Variants in GLRA2 observed in about 807,000 individuals in gnomAD.
GLRA2 encodes the protein glycine receptor alpha 2, also known as glycine receptor subunit alpha-2.
A neutral mutation model predicts 31.6 loss-of-function variants in GLRA2; 11 were observed. That is an observed-to-expected ratio of 0.35 (90% confidence interval 0.22 to 0.58). The LOEUF (loss-of-function observed/expected upper bound fraction) is 0.58. Among genes scored for constraint, GLRA2 ranks in the 20% least tolerant of loss-of-function variants. The pLI, the probability that GLRA2 is intolerant of heterozygous loss-of-function variation, is 0.84. For synonymous variants in GLRA2, 132 were observed against 134.0 expected (o/e 0.99, Z 0.10); for missense variants, 212 against 351.8 (o/e 0.60, Z 3.18).
At chrX:14,525,239 T>C (rs767094260), upstream of GLRA2, among the ~76,000 whole-genome samples, 3 of 111,683 alleles carry the variant, frequency 2.7e-5, no homozygotes, top group Non-Finnish European at 5.7e-5. Flanking sequence ...TCATTTCTCT[T>C]GTAAAAAGAG....
intron 7 of GLRA2, among the ~76,000 whole-genome samples, chrX:14,688,079 T>C (rs913895886): frequency 1.8e-5 from 2 of 112,156 alleles, no homozygotes; most frequent in East Asian, 2.8e-4. Flanking sequence ...CAGATCCTGT[T>C]TGCCTGGGTA....
At chrX:14,666,527 G>A (rs1490947504) in intron 7 of GLRA2, among the ~76,000 whole-genome samples, 3 of 111,586 alleles carry the variant, frequency 2.7e-5, no homozygotes, top group Non-Finnish European at 3.8e-5. Flanking sequence ...TGACTCCCAC[G>A]TTTAACTTTA....
chrX:14,567,251 G>A (rs1297028463), intron 2 of GLRA2, among the ~76,000 whole-genome samples: 2 of 111,838 alleles, frequency 1.8e-5, no homozygotes, highest in African/African-American at 6.5e-5. Context: ...TACACATCAT[G>A]ACCAATTGAG....
At chrX:14,589,112 T>A (rs2090112882) in intron 4 of GLRA2, among the ~76,000 whole-genome samples, 1 of 111,217 alleles carries the variant, frequency 9.0e-6, no homozygotes, top group Non-Finnish European at 1.9e-5. Context: ...TCCAGTATTA[T>A]GTTTAATAGG....
intron 1 of GLRA2, 87 bp downstream of exon 1, chrX:14,530,212 T>C: frequency 3.6e-6 from 2 of 557,823 alleles, no homozygotes; most frequent in East Asian, 7.0e-5. Flanking sequence ...TGCTCTGGAC[T>C]ATATTATTTT....
the GLRA2 span, among the ~76,000 whole-genome samples, chrX:14,501,951 C>G: frequency 9.0e-6 from 1 of 111,532 alleles, no homozygotes; most frequent in South Asian, 3.8e-4. Flanking sequence ...TATACATCTT[C>G]CATCTGCATG....
chrX:14,616,848 C>A (rs932868944), intron 7 of GLRA2, among the ~76,000 whole-genome samples: 2 of 111,886 alleles, frequency 1.8e-5, no homozygotes, highest in African/African-American at 6.5e-5. Context: ...GAAAGCCAAG[C>A]AAATTGATCT....
At chrX:14,543,348 T>C (rs1432717447) in intron 2 of GLRA2, among the ~76,000 whole-genome samples, 3 of 109,255 alleles carry the variant, frequency 2.7e-5, no homozygotes, top group Non-Finnish European at 5.7e-5. Flanking sequence ...TTTGGGTATA[T>C]CCTTTTGTAA....
chrX:14,589,173 T>G, intron 4 of GLRA2, among the ~76,000 whole-genome samples: 1 of 111,264 alleles, frequency 9.0e-6, no homozygotes, highest in Non-Finnish European at 1.9e-5. Context: ...AGGGGAATGC[T>G]TCCAGCTTTT....
Position 14,673,092 on chromosome X carries a change from T to C in GLRA2, c.931-17618T>C, listed in dbSNP as rs970860967. Among the ~76,000 whole-genome samples the C allele has an allele frequency of 5.1e-4, 57 of 111,531 alleles. 1 individual carries two copies. Among genetic ancestry groups the C allele is most frequent in the Non-Finnish European group, 1.9e-4 (10 of 53,087 alleles). ...CTCTACCATTCAATTGAAATTCATA[T>C]TTCACACTATACTCTCATATATTAA... On this transcript the variant is annotated intron_variant, in intron 7 of 8. Coordinates refer to ENST00000218075, the MANE Select transcript of GLRA2 (RefSeq NM_002063.4).
At chrX:14,593,379 T>G (rs375596969) in intron 4 of GLRA2, among the ~76,000 whole-genome samples, 32 of 112,183 alleles carry the variant, frequency 2.9e-4, no homozygotes, top group African/African-American at 8.7e-4. Context: ...TATGTGAAGT[T>G]CCACATGAGA....
intron 7 of GLRA2, among the ~76,000 whole-genome samples, chrX:14,674,138 C>G (rs28420390): frequency 0.28 from 31,201 of 111,110 alleles, 3,356 homozygotes; most frequent in Non-Finnish European, 0.34. Context: ...GCTTCCTTAT[C>G]CTTATAATGG....
Position 14,540,158 on chromosome X carries a change from G to C in GLRA2, c.202+7786G>C, listed in dbSNP as rs200770829. Among the ~76,000 whole-genome samples the C allele has an allele frequency of 1.7e-4, 19 of 111,235 alleles. No homozygotes were observed. The East Asian group carries it at 5.1e-3, about 30-fold the overall frequency. On this transcript the variant is annotated intron_variant, in intron 2 of 8. Transcript: ENST00000218075. ...AATAAAAACTGGAATATAATTTGTA[G>C]GTTGAATGCTTATTATCCAGGATAT... is the stretch of plus-strand genomic sequence containing the variant.
At chrX:14,563,610 T>C (rs945128248) in intron 2 of GLRA2, among the ~76,000 whole-genome samples, 1 of 111,568 alleles carries the variant, frequency 9.0e-6, no homozygotes, top group African/African-American at 3.3e-5. Context: ...AATAAATTGA[T>C]AGAAATTATC....
At chrX:14,648,229 T>C (rs746866459) in intron 7 of GLRA2, among the ~76,000 whole-genome samples, 51 of 112,285 alleles carry the variant, frequency 4.5e-4, no homozygotes, top group African/African-American at 1.5e-3. Flanking sequence ...TCACTATGCA[T>C]TGAAGCTTAC....
the GLRA2 span, among the ~76,000 whole-genome samples, chrX:14,492,350 C>T: frequency 1.8e-5 from 2 of 110,752 alleles, no homozygotes. Context: ...TGAGACTCTG[C>T]TTGAGGAATA....
At chrX:14,463,840 C>G in the GLRA2 span, among the ~76,000 whole-genome samples, 4 of 111,748 alleles carry the variant, frequency 3.6e-5, no homozygotes, top group Non-Finnish European at 7.5e-5. Flanking sequence ...TGAGGCAATG[C>G]CCTGCCCTGC....
chrX:14,580,137 G>T (rs908376057), intron 3 of GLRA2, among the ~76,000 whole-genome samples: 1 of 111,626 alleles, frequency 9.0e-6, no homozygotes, highest in Non-Finnish European at 1.9e-5. Context: ...AAATTGGGAA[G>T]TTCTCAGGCA....
intron 3 of GLRA2, among the ~76,000 whole-genome samples, chrX:14,576,237 C>T (rs111859960): frequency 0.016 from 1,766 of 111,257 alleles, 11 homozygotes; most frequent in Middle Eastern, 0.051. Flanking sequence ...CTCCATTACC[C>T]ATTTTGATAT....
Sources: gnomAD v4.1 joint callset for allele counts (sites outside exome capture counted in the v4.1 genomes callset) on GRCh38, gnomAD v4.1.1 for gene constraint, MANE v1.5 for transcripts, NCBI Gene and HGNC (gene_info 2026-07-23, HGNC 2026-07-21) for gene names.